SPON2: variants seen among roughly 807,000 people sequenced by gnomAD.
SPON2 encodes the protein spondin-2.
In SPON2, 32 loss-of-function variants were observed where a neutral mutation model predicts 29.9. That is an observed-to-expected ratio of 1.07 (90% CI 0.81 to 1.44). The LOEUF is 1.44. SPON2 is among the 40% of genes most tolerant of loss of function. The pLI is 0.00. For missense variants in SPON2, 541 were observed against 455.5 expected (o/e 1.19, Z -1.71); for synonymous variants, 248 against 209.1 (o/e 1.19, Z -1.61).
chr4:1,171,539 C>G (rs1727450440), intron 2 of SPON2, 53 bp from the exon 3 acceptor site: 1 of 1,559,784 alleles, frequency 6.4e-7, no homozygotes, highest in African/African-American at 1.4e-5. Context: ...TGCGGTCGGG[C>G]TTGGATTCCA....
chr4:1,204,575 T>G (rs1023837093), intron 1 of SPON2, among the ~76,000 whole-genome samples: 1 of 152,238 alleles, frequency 6.6e-6, no homozygotes, highest in Non-Finnish European at 1.5e-5. Flanking sequence ...CGGTGTGTGT[T>G]AAAACCTGGT....
In SPON2 at chr4:1,171,282, A is replaced by G; in HGVS notation, c.425T>C (p.Val142Ala). The change falls in exon 3 of 6, where the codon GTG becomes GCG. Residue 142 changes from valine (V) to alanine (A), a missense_variant. Val to Ala is a moderately conservative substitution (Grantham distance 64). Transcript: ENST00000290902. ...GTGQTSAELE[V>A]QRRHSLVSFV... ...GCTCACCAGCGAGTGCCTGCGCTGC[A>G]CCTCCAGCTCCGCCGACGTCTGCCC... The G allele has an allele frequency of 6.4e-7, 1 of 1,555,996 alleles. No individual in the cohort carries two copies.
At chr4:1,188,936 A>G (rs1046391057) in intron 1 of SPON2, among the ~76,000 whole-genome samples, 1 of 152,252 alleles carries the variant, frequency 6.6e-6, no homozygotes, top group Non-Finnish European at 1.5e-5. Context: ...CGATGTTGTC[A>G]TAAAATAAAT....
At chr4:1,186,078 A>G (rs1183886462) in intron 1 of SPON2, among the ~76,000 whole-genome samples, 1 of 139,096 alleles carries the variant, frequency 7.2e-6, no homozygotes, top group Non-Finnish European at 1.6e-5. Flanking sequence ...CCCCATCTCT[A>G]CTAAAAATAC....
At chr4:1,207,300 T>A (rs1220766522) in intron 1 of SPON2, among the ~76,000 whole-genome samples, 1 of 152,046 alleles carries the variant, frequency 6.6e-6, no homozygotes, top group Admixed American at 6.5e-5. Flanking sequence ...CTCGACACCC[T>A]CCGTCCCACC....
At chr4:1,180,525 C>T (rs1347144539) in intron 1 of SPON2, among the ~76,000 whole-genome samples, 2 of 152,090 alleles carry the variant, frequency 1.3e-5, no homozygotes, top group Admixed American at 6.5e-5. Flanking sequence ...AGAAAGCAAT[C>T]GATAGAGACT....
At chr4:1,198,482 T>C (rs572132494), upstream of SPON2, among the ~76,000 whole-genome samples, 95 of 152,206 alleles carry the variant, frequency 6.2e-4, no homozygotes, top group African/African-American at 2.3e-3. Flanking sequence ...AAACCTGATG[T>C]GGAACAAAAA....
chr4:1,196,730 A>G (rs1272043), upstream of SPON2: 145,858 of 152,380 alleles, frequency 0.96, 70,127 homozygotes, highest in East Asian at 1. Flanking sequence ...ACAGTGAAAC[A>G]TCATCCATGA....
In SPON2 at chr4:1,187,943, T is replaced by C. The variant is rs368529585; in HGVS notation, c.-239+7047A>G. On this transcript the variant is annotated intron_variant, in intron 1 of 3. Coordinates refer to the SPON2 transcript ENST00000502483. ...CAGGCCAGGCACAGCAACACACGCC[T>C]ATAATCCCAGCACTTTGGGAGGCCA... 1.2e-3 allele frequency among the ~76,000 whole-genome samples: 186 copies of C among 152,116 alleles called. 4 individuals are homozygous for C. In the South Asian group the frequency reaches 0.037, roughly 30 times the overall value.
In SPON2 at chr4:1,171,839, G is replaced by A. The variant is rs767171681; in HGVS notation, c.220+13C>T. The A allele has an allele frequency of 6.3e-7, 1 of 1,592,838 alleles. No homozygotes were observed. Among genetic ancestry groups the A allele is most frequent in the Admixed American group, 1.7e-5 (1 of 59,982 alleles). On this transcript the variant is annotated intron_variant, in intron 2 of 5. Transcript: ENST00000290902. Reference sequence around the variant, plus strand: ...CCTGGTGGAGCAGGAGGCGAGGAGGGGGCTGTACTTACCCAGCAGCGAAGA... The same window carrying A: ...CCTGGTGGAGCAGGAGGCGAGGAGGAGGCTGTACTTACCCAGCAGCGAAGA...
Position 1,195,025 on chromosome 4 carries a change from C to CCTCACCTCACAGCCGGCGGT in SPON2, c.-275_-274insACCGCCGGCTGTGAGGTGAG, listed in dbSNP as rs1728025215. 9.9e-4 allele frequency: 16 copies of CCTCACCTCACAGCCGGCGGT among 16,238 alleles called. 1 individual carries two copies. Among genetic ancestry groups the CCTCACCTCACAGCCGGCGGT allele is most frequent in the Admixed American group, 3.2e-3 (4 of 1,258 alleles). The allele number at this position is 16,238 out of a possible 1,614,324, so 1.0% of individuals were successfully genotyped here. ...GCGGTTCCAACCCCGCAGCCGGCGG[C>CCTCACCTCACAGCCGGCGGT]TCCAACCCCGCAGCCGGCGGCTCCA... On this transcript the variant is annotated 5_prime_UTR_variant, in exon 1 of 4. Transcript: ENST00000502483.
intron 1 of SPON2, among the ~76,000 whole-genome samples, chr4:1,186,060 C>G (rs13109140): frequency 2.0e-5 from 3 of 146,440 alleles, no homozygotes; most frequent in African/African-American, 4.9e-5. Context: ...CTGGCTAACA[C>G]GGTGAAACCC....
At chr4:1,181,767 G>A (rs1036294276) in intron 1 of SPON2, among the ~76,000 whole-genome samples, 14 of 152,210 alleles carry the variant, frequency 9.2e-5, no homozygotes, top group African/African-American at 2.4e-4. Context: ...AAAAAAGGAT[G>A]TTGTCCTTCA....
intron 1 of SPON2, chr4:1,194,840 ACCC>A (rs1728007285): frequency 3.4e-5 from 5 of 148,522 alleles, no homozygotes; most frequent in African/African-American, 1.3e-4. Context: ...GGCGGTTCCA[ACCC>A]CGCAGCCAGC....
rs1434074941 is a variant in SPON2, at chr4:1,167,641, A to G, written c.827T>C (p.Leu276Pro). 9.3e-6 allele frequency: 15 copies of G among 1,607,248 alleles called. No homozygotes were observed. The highest frequency in any genetic ancestry group is 1.3e-5 in the Non-Finnish European group (15 of 1,176,386). ...CGACCACAGGGAGACCTCGCAGTCC[A>G]GCGGCGTTTCTGGAACTGGACCAAG... is the stretch of plus-strand genomic sequence containing the variant. ...VDSASVPETP[L>P]DCEVSLWSSW... The change falls in exon 6 of 6, where the codon CTG becomes CCG. Residue 276 changes from leucine to proline, a missense_variant. Physicochemically the swap from Leu to Pro is moderately conservative, Grantham distance 98. Transcript: ENST00000290902.
intron 5 of SPON2, chr4:1,169,890 C>G (rs773775151): frequency 6.3e-6 from 1 of 159,536 alleles, no homozygotes; most frequent in African/African-American, 2.4e-5. Flanking sequence ...TCGGCCCCAG[C>G]GTTCCCAGCC....
intron 1 of SPON2, 159 bp downstream of exon 1, chr4:1,172,385 G>A: frequency 2.6e-5 from 13 of 496,798 alleles, no homozygotes; most frequent in Non-Finnish European, 4.4e-5. Flanking sequence ...CAGGGACCCG[G>A]GGCCTTGGCC....
At chr4:1,184,868 C>T (rs960295127) in intron 1 of SPON2, among the ~76,000 whole-genome samples, 56 of 146,602 alleles carry the variant, frequency 3.8e-4, no homozygotes, top group Non-Finnish European at 4.3e-4. Context: ...ACCCAGGAAG[C>T]GGAGGTTGCA....
intron 1 of SPON2, among the ~76,000 whole-genome samples, chr4:1,182,238 T>C (rs530718261): frequency 1.6e-4 from 25 of 152,150 alleles, no homozygotes; most frequent in South Asian, 8.3e-4. Context: ...AAAAAGTCAA[T>C]AGAAACTGTT....
Sources: allele counts gnomAD v4.1 joint callset (sites outside exome capture counted in the v4.1 genomes callset), GRCh38; gene constraint gnomAD v4.1.1; transcripts MANE v1.5; gene names NCBI Gene and HGNC (gene_info 2026-07-23, HGNC 2026-07-21).